Variants in B3GNT9 observed in about 807,000 individuals in gnomAD.
B3GNT9 encodes the protein BGnT-9.
For synonymous variants in B3GNT9, 359 were observed against 283.9 expected (o/e 1.26, Z -2.66); for missense variants, 669 against 599.2 (o/e 1.12, Z -1.22).
In B3GNT9 at chr16:67,150,490, G is replaced by C. The variant is rs1267290444; in HGVS notation, c.-5C>G. 3.9e-6 allele frequency: 5 copies of C among 1,297,954 alleles called. No homozygotes were observed. Among genetic ancestry groups the C allele is most frequent in the Non-Finnish European group, 4.9e-6 (5 of 1,024,668 alleles). 80.4% of individuals were successfully genotyped at this position (1,297,954 alleles called of 1,614,324 possible). A position where few individuals can be genotyped will look rare whatever the true frequency, so the allele number is the denominator to read the frequency against. ...TAGGCGCAGCCTCCTCCTCATCTCC[G>C]CGCGGCCTGCGCCCTCCCTCCCCTG... On this transcript the variant is annotated 5_prime_UTR_variant, in exon 2 of 2. Transcript: ENST00000449549.
At position 67,148,269 on chromosome 16, in the gene B3GNT9, A is replaced by T. The variant is rs1220390338; in HGVS notation, c.*1008T>A. On this transcript the variant is annotated 3_prime_UTR_variant, in exon 2 of 2. Transcript: ENST00000449549. ...TAGTTTAATGATGAATGTGCAGGGGACCTGTCTCAGGCTCCTATATGGTTC... is the reference window on the plus strand; with the variant it reads ...TAGTTTAATGATGAATGTGCAGGGGTCCTGTCTCAGGCTCCTATATGGTTC... 6.6e-6 allele frequency: 1 copy of T among 152,444 alleles called. No homozygotes were observed. Among genetic ancestry groups the T allele is most frequent in the Non-Finnish European group, 1.5e-5 (1 of 68,010 alleles). The allele number at this position is 152,444 out of a possible 1,614,324, so 9.4% of individuals were successfully genotyped here. A position where few individuals can be genotyped will look rare whatever the true frequency, so the allele number is the denominator to read the frequency against.
At position 67,150,589 on chromosome 16, in the gene B3GNT9, G is replaced by A. The variant is rs1292906229; in HGVS notation, c.-104C>T. ...CTGAGGGGGCGGGAGGCCACGCCCCGGGGGGGGCTCCAGCGACCGACGGTT... is the reference window on the plus strand; with the variant it reads ...CTGAGGGGGCGGGAGGCCACGCCCCAGGGGGGGCTCCAGCGACCGACGGTT... On this transcript the variant is annotated 5_prime_UTR_variant, in exon 2 of 2. Transcript: ENST00000449549. 2 of 972,290 alleles carry A rather than the reference G, an allele frequency of 2.1e-6. No homozygotes were observed. Among genetic ancestry groups the A allele is most frequent in the African/African-American group, 1.7e-5 (1 of 58,908 alleles). The allele number at this position is 972,290 out of a possible 1,614,324, so 60.2% of individuals were successfully genotyped here.
In B3GNT9 at chr16:67,149,847, G is replaced by A. The variant is rs900974833; in HGVS notation, c.639C>T (p.Ala213=). ...CGTCGGGGCAGAAAGCTGAGGCCCAGGCTAGAAAGTGGATCTCCTTGAGCG... is the reference window on the plus strand; with the variant it reads ...CGTCGGGGCAGAAAGCTGAGGCCCAAGCTAGAAAGTGGATCTCCTTGAGCG... ...NLTLKEIHFL[A]WASAFCPDVR... is the part of the protein sequence containing the mutation. The change falls in exon 2 of 2, where the codon GCC becomes GCT. Residue 213 remains alanine, a synonymous_variant. Coordinates refer to ENST00000449549, the MANE Select transcript of B3GNT9 (RefSeq NM_033309.3). 1.9e-6 allele frequency: 3 copies of A among 1,613,556 alleles called. No homozygotes were observed. The African/African-American group carries it at 4.0e-5, about 22-fold the overall frequency.
Position 67,150,145 on chromosome 16 carries a change from C to A in B3GNT9, c.341G>T (p.Gly114Val). ...GACAGCAATAAGCAGGTCCGGGCGGCCACCGGGTGCGCCGTCGCCGCGGCA... is the reference window on the plus strand; with the variant it reads ...GACAGCAATAAGCAGGTCCGGGCGGACACCGGGTGCGCCGTCGCCGCGGCA... ...HKCRGDGAPGGRPDLLIAVKS... is the reference protein window; with the variant it reads ...HKCRGDGAPGVRPDLLIAVKS... The change falls in exon 2 of 2, where the codon GGC becomes GTC. Residue 114 changes from glycine (G) to valine (V), a missense_variant. Coordinates refer to ENST00000449549, the MANE Select transcript of B3GNT9 (RefSeq NM_033309.3). 1 of 1,529,436 alleles carries A rather than the reference C, an allele frequency of 6.5e-7. No homozygotes were observed. Among genetic ancestry groups the A allele is most frequent in the Non-Finnish European group, 8.8e-7 (1 of 1,140,836 alleles). 94.7% of individuals were successfully genotyped at this position (1,529,436 alleles called of 1,614,324 possible).
rs779022489 is a variant in B3GNT9, at chr16:67,150,386, G to A, written c.100C>T (p.Pro34Ser). The A allele has an allele frequency of 7.4e-7, 1 of 1,352,682 alleles. No homozygotes were observed. The highest frequency in any genetic ancestry group is 9.5e-7 in the Non-Finnish European group (1 of 1,054,124). 83.8% of individuals were successfully genotyped at this position (1,352,682 alleles called of 1,614,324 possible). A position where few individuals can be genotyped will look rare whatever the true frequency, so the allele number is the denominator to read the frequency against. Residue 34 changes from proline (P) to serine (S), a missense_variant, in exon 2 of 2, where the codon CCG becomes TCG. Coordinates refer to ENST00000449549, the MANE Select transcript of B3GNT9 (RefSeq NM_033309.3). ...LLYAQRDGAA[P>S]TASAPRGRGR... is the part of the protein sequence containing the mutation. ...CGCCCTCGCGGCGCGCTCGCCGTCG[G>A]GGCCGCGCCGTCGCGCTGCGCATAG...
Position 67,149,569 on chromosome 16 carries a change from C to G in B3GNT9, c.917G>C (p.Cys306Ser). 6.2e-7 allele frequency: 1 copy of G among 1,605,964 alleles called. No individual in the cohort carries two copies. Among genetic ancestry groups the G allele is most frequent in the Non-Finnish European group, 8.5e-7 (1 of 1,176,628 alleles). Residue 306 changes from cysteine to serine, a missense_variant, in exon 2 of 2, where the codon TGT (cysteine) becomes TCT (serine). Physicochemically the swap from Cys to Ser is moderately radical, Grantham distance 112. Coordinates refer to ENST00000449549, the MANE Select transcript of B3GNT9 (RefSeq NM_033309.3). Reference protein sequence around the residue: ...GATLHRLAGACAQVELFPIDD... With the variant: ...GATLHRLAGASAQVELFPIDD... ...GATGGGGAAGAGCTCGACCTGCGCACAGGCGCCAGCCAGGCGGTGCAGCGT... is the reference window on the plus strand; with the variant it reads ...GATGGGGAAGAGCTCGACCTGCGCAGAGGCGCCAGCCAGGCGGTGCAGCGT...
Position 67,149,616 on chromosome 16 carries a change from ACCG to A in B3GNT9, c.867_869del (p.Gly291del). ...GCGTGGCCCCGGAAAGCACAAAGCC[ACCG>A]CCGCCCGCGTAGGCCGGATAGGCGG... On this transcript the variant is annotated inframe_deletion, in exon 2 of 2. Transcript: ENST00000449549. The A allele has an allele frequency of 6.3e-7, 1 of 1,597,352 alleles. No individual in the cohort carries two copies. The highest frequency in any genetic ancestry group is 8.5e-7 in the Non-Finnish European group (1 of 1,172,418).
Position 67,149,388 on chromosome 16 carries a change from C to T in B3GNT9, c.1098G>A (p.Gly366=). Residue 366 remains glycine, a synonymous_variant, in exon 2 of 2, where the codon GGG becomes GGA. Coordinates refer to ENST00000449549, the MANE Select transcript of B3GNT9 (RefSeq NM_033309.3). The part of the protein sequence containing the change: ...CFYRELVVVH[G]LSAADIWLMW... ...TAAGCCAGATGTCAGCGGCCGAGAG[C>T]CCGTGCACTACAACCAGCTCACGGT... is the stretch of plus-strand genomic sequence containing the variant. 1 of 1,602,430 alleles carries T rather than the reference C, an allele frequency of 6.2e-7. No individual in the cohort carries two copies. The highest frequency in any genetic ancestry group is 8.5e-7 in the Non-Finnish European group (1 of 1,174,624).
chr16:67,149,785 A>G lies in B3GNT9; in HGVS notation c.701T>C (p.Val234Ala). Reference protein sequence around the residue: ...FVFKGDADVFVNVGNLLEFLA... With the variant: ...FVFKGDADVFANVGNLLEFLA... ...GAACTCCAGGAGATTTCCCACGTTC[A>G]CGAACACATCTGCGTCGCCCTTAAA... Residue 234 changes from valine to alanine, a missense_variant, in exon 2 of 2, where the codon GTG (valine) becomes GCG (alanine). Val to Ala is a moderately conservative substitution (Grantham distance 64). Transcript: ENST00000449549. 1 of 1,613,908 alleles carries G rather than the reference A, an allele frequency of 6.2e-7. No individual in the cohort carries two copies. Among genetic ancestry groups the G allele is most frequent in the Non-Finnish European group, 8.5e-7 (1 of 1,179,826 alleles).
chr16:67,149,202 C>G lies in B3GNT9; in HGVS notation c.*75G>C. On this transcript the variant is annotated 3_prime_UTR_variant, in exon 2 of 2. Coordinates refer to ENST00000449549, the MANE Select transcript of B3GNT9 (RefSeq NM_033309.3). The stretch of plus-strand genomic sequence containing the variant: ...AGGCACCTGGTGATCAGGGAAGAAC[C>G]ACATACACGGCAATAATCTGGGAAA... 1 of 1,485,014 alleles carries G rather than the reference C, an allele frequency of 6.7e-7. No individual in the cohort carries two copies. The highest frequency in any genetic ancestry group is 2.5e-5 in the Admixed American group (1 of 39,242). The allele number at this position is 1,485,014 out of a possible 1,614,324, so 92.0% of individuals were successfully genotyped here. A position where few individuals can be genotyped will look rare whatever the true frequency, so the allele number is the denominator to read the frequency against.
At position 67,150,167 on chromosome 16, in the gene B3GNT9, G is replaced by T; in HGVS notation, c.319C>A (p.Arg107Ser). The change falls in exon 2 of 2, where the codon CGC (arginine) becomes AGC (serine). Residue 107 changes from arginine to serine, a missense_variant. Physicochemically the swap from Arg to Ser is moderately radical, Grantham distance 110. Transcript: ENST00000449549. ...CGGCCACCGGGTGCGCCGTCGCCGC[G>T]GCACTTGTGCGGCTGGTTAATGAGC... ...PLLINQPHKC[R>S]GDGAPGGRPD... 1 of 1,548,740 alleles carries T rather than the reference G, an allele frequency of 6.5e-7. No homozygotes were observed. The highest frequency in any genetic ancestry group is 8.7e-7 in the Non-Finnish European group (1 of 1,151,114).
In B3GNT9 at chr16:67,150,166, C is replaced by A; in HGVS notation, c.320G>T (p.Arg107Leu). 6.5e-7 allele frequency: 1 copy of A among 1,547,126 alleles called. No homozygotes were observed. The highest frequency in any genetic ancestry group is 8.7e-7 in the Non-Finnish European group (1 of 1,150,202). The change falls in exon 2 of 2, where the codon CGC becomes CTC. Residue 107 changes from arginine to leucine, a missense_variant. Transcript: ENST00000449549. ...PLLINQPHKC[R>L]GDGAPGGRPD... ...GCGGCCACCGGGTGCGCCGTCGCCG[C>A]GGCACTTGTGCGGCTGGTTAATGAG...
rs748483564 is a variant in B3GNT9 at position 67,149,994 on chromosome 16, C to A, written c.492G>T (p.Ser164=). ...FLLGVPRGAG[S]GGADEVGEGA... ...CCTCCCCAACTTCGTCGGCCCCGCC[C>A]GAGCCTGCGCCCCTGGGCACGCCCA... The change falls in exon 2 of 2, where the codon TCG becomes TCT. Residue 164 remains serine, a synonymous_variant. Coordinates refer to ENST00000449549, the MANE Select transcript of B3GNT9 (RefSeq NM_033309.3). The A allele has an allele frequency of 1.3e-6, 2 of 1,534,944 alleles. No individual in the cohort carries two copies. Among genetic ancestry groups the A allele is most frequent in the Admixed American group, 2.1e-5 (1 of 47,274 alleles).
In B3GNT9 at chr16:67,149,100, C is replaced by G; in HGVS notation, c.*177G>C. The G allele has an allele frequency of 7.5e-7, 1 of 1,325,022 alleles. No homozygotes were observed. Among genetic ancestry groups the G allele is most frequent in the South Asian group, 1.8e-5 (1 of 56,400 alleles). The allele number at this position is 1,325,022 out of a possible 1,614,324, so 82.1% of individuals were successfully genotyped here. A position where few individuals can be genotyped will look rare whatever the true frequency, so the allele number is the denominator to read the frequency against. On this transcript the variant is annotated 3_prime_UTR_variant, in exon 2 of 2. Coordinates refer to ENST00000449549, the MANE Select transcript of B3GNT9 (RefSeq NM_033309.3). ...GCTCGCTCAAAGGGTCACCATTACACGGGTTTCAACTGGTTCCAGCAGGGT... is the reference window on the plus strand; with the variant it reads ...GCTCGCTCAAAGGGTCACCATTACAGGGGTTTCAACTGGTTCCAGCAGGGT...
Position 67,149,437 on chromosome 16 carries a change from A to G in B3GNT9, c.1049T>C (p.Leu350Ser), listed in dbSNP as rs2030360116. Residue 350 changes from leucine (L) to serine (S), a missense_variant, in exon 2 of 2, where the codon TTG becomes TCG. Transcript: ENST00000449549. ...GTAAAAGCAGGGGTCGAAGGTGCTCAAATGCGGCGCGGCTGAAGGCTGGGG... is the reference window on the plus strand; with the variant it reads ...GTAAAAGCAGGGGTCGAAGGTGCTCGAATGCGGCGCGGCTGAAGGCTGGGG... ...GIPQPSAAPH[L>S]STFDPCFYRE... 6.2e-7 allele frequency: 1 copy of G among 1,606,376 alleles called. No individual in the cohort carries two copies. Among genetic ancestry groups the G allele is most frequent in the Admixed American group, 1.7e-5 (1 of 58,878 alleles).
At position 67,150,357 on chromosome 16, in the gene B3GNT9, C is replaced by T. The variant is rs1213830431; in HGVS notation, c.129G>A (p.Gly43=). Residue 43 remains glycine, a synonymous_variant, in exon 2 of 2, where the codon GGG becomes GGA. Transcript: ENST00000449549. The part of the protein sequence containing the change: ...APTASAPRGR[G]RAAPRPTPGP... ...CGGGGGTGGGCCTCGGTGCCGCCCT[C>T]CCTCGCCCTCGCGGCGCGCTCGCCG... 1 of 1,350,964 alleles carries T rather than the reference C, an allele frequency of 7.4e-7. No homozygotes were observed. Among genetic ancestry groups the T allele is most frequent in the Admixed American group, 4.0e-5 (1 of 24,928 alleles). 83.7% of individuals were successfully genotyped at this position (1,350,964 alleles called of 1,614,324 possible). A position where few individuals can be genotyped will look rare whatever the true frequency, so the allele number is the denominator to read the frequency against.
chr16:67,150,776 C>T (rs1279548331), intron 1 of B3GNT9, 89 bp downstream of exon 1: 3 of 306,070 alleles, frequency 9.8e-6, no homozygotes, highest in Admixed American at 5.1e-5. Flanking sequence ...AGCCTCGGCC[C>T]CTCCCCCGCC....
Position 67,149,349 on chromosome 16 carries a change from C to T in B3GNT9, c.1137G>A (p.Leu379=). The part of the protein sequence containing the change: ...AADIWLMWRL[L]HGPHGPACAH... ...CACAGGCTGGCCCATGCGGCCCGTGCAGCAGGCGCCACATAAGCCAGATGT... is the reference window on the plus strand; with the variant it reads ...CACAGGCTGGCCCATGCGGCCCGTGTAGCAGGCGCCACATAAGCCAGATGT... The change falls in exon 2 of 2, where the codon CTG becomes CTA. Residue 379 remains leucine, a synonymous_variant. Coordinates refer to ENST00000449549, the MANE Select transcript of B3GNT9 (RefSeq NM_033309.3). 6.2e-7 allele frequency: 1 copy of T among 1,601,228 alleles called. No homozygotes were observed. The highest frequency in any genetic ancestry group is 8.5e-7 in the Non-Finnish European group (1 of 1,174,198).
At position 67,149,287 on chromosome 16, in the gene B3GNT9, C is replaced by T. The variant is rs1166957690; in HGVS notation, c.1199G>A (p.Trp400Ter). The T allele has an allele frequency of 1.3e-6, 2 of 1,541,270 alleles. No homozygotes were observed. The highest frequency in any genetic ancestry group is 4.5e-5 in the East Asian group (2 of 44,206). The change falls in exon 2 of 2, where the codon TGG (tryptophan) becomes TAG (stop). Residue 400 changes from tryptophan to a stop codon, truncating the protein, a stop_gained. Transcript: ENST00000449549. LOFTEE classifies it high-confidence loss of function. ...GGCTGTAGTGGGGAGCTAGGAGTCC[C>T]ATTGGAAGGGGCCTGCAGCGACAGG... The part of the protein sequence containing the change: ...PQPVAAGPFQ[W>*]DS
Sources: allele counts gnomAD v4.1 joint callset, GRCh38; gene constraint gnomAD v4.1.1; transcripts MANE v1.5; gene names NCBI Gene and HGNC (gene_info 2026-07-23, HGNC 2026-07-21).